NAALADL2: variants seen among roughly 807,000 people sequenced by gnomAD.
The protein encoded by NAALADL2 is inactive N-acetylated-alpha-linked acidic dipeptidase-like protein 2.
NAALADL2 carries 76 observed loss-of-function variants against 87.2 expected under a neutral mutation model. That is an observed-to-expected ratio of 0.87 (90% CI 0.72 to 1.05). The LOEUF (loss-of-function observed/expected upper bound fraction) is 1.05, where lower values mean the gene tolerates loss of function less well. Ranked by LOEUF, NAALADL2 falls within the 50% of genes least tolerant of loss-of-function variation. The pLI is 0.00. For synonymous variants in NAALADL2, 354 were observed against 331.0 expected, an observed-to-expected ratio of 1.07 and a Z score of -0.75; for missense variants, 1,089 against 945.8, an observed-to-expected ratio of 1.15 and a Z score of -1.99.
At chr3:175,108,570 G>C (rs1203857567) in intron 2 of NAALADL2, among the ~76,000 whole-genome samples, 1 of 151,842 alleles carries the variant, frequency 6.6e-6, no homozygotes, top group Non-Finnish European at 1.5e-5. Flanking sequence ...TCTTTGGTCG[G>C]TTTCATCATA....
intron 4 of NAALADL2, among the ~76,000 whole-genome samples, chr3:175,291,330 T>C (rs1755611351): frequency 6.6e-6 from 1 of 152,164 alleles, no homozygotes; most frequent in Non-Finnish European, 1.5e-5. Context: ...ATTAGACTTT[T>C]CCAATTTGCT....
At chr3:175,515,080 C>T (rs998882964) in intron 9 of NAALADL2, among the ~76,000 whole-genome samples, 12 of 152,164 alleles carry the variant, frequency 7.9e-5, no homozygotes, top group Non-Finnish European at 1.2e-4. Flanking sequence ...CTTTGCCTAC[C>T]TCTTGTAGAA....
chr3:175,714,658 A>G (rs1293586058), intron 11 of NAALADL2, among the ~76,000 whole-genome samples: 2 of 152,252 alleles, frequency 1.3e-5, no homozygotes, highest in East Asian at 3.9e-4. Flanking sequence ...GATTGCAAAA[A>G]CGTTCTCCAA....
intron 2 of NAALADL2, among the ~76,000 whole-genome samples, chr3:174,556,608 A>G (rs2108502490): frequency 6.6e-6 from 1 of 152,340 alleles, no homozygotes; most frequent in South Asian, 2.1e-4. Context: ...TACACAACTT[A>G]TAGAATTGTG....
intron 1 of NAALADL2, among the ~76,000 whole-genome samples, chr3:174,994,022 T>G (rs570178206): frequency 6.6e-6 from 1 of 152,304 alleles, no homozygotes; most frequent in East Asian, 1.9e-4. Context: ...GGGCCCACCC[T>G]ACTGCACTAT....
At chr3:174,993,206 G>A (rs983337696) in intron 1 of NAALADL2, among the ~76,000 whole-genome samples, 1 of 152,002 alleles carries the variant, frequency 6.6e-6, no homozygotes, top group Non-Finnish European at 1.5e-5. Flanking sequence ...AAGAGCCGTA[G>A]AAAAGAAACA....
At chr3:175,481,771 A>G (rs1726507088) in intron 9 of NAALADL2, among the ~76,000 whole-genome samples, 1 of 151,954 alleles carries the variant, frequency 6.6e-6, no homozygotes, top group South Asian at 2.1e-4. Flanking sequence ...AAAAAAGAAT[A>G]GTCTATTGGC....
intron 2 of NAALADL2, among the ~76,000 whole-genome samples, chr3:174,675,966 A>G (rs1202085719): frequency 2.0e-5 from 3 of 152,040 alleles, no homozygotes; most frequent in Admixed American, 6.6e-5. Flanking sequence ...AATTTCCTTT[A>G]TTTTTATTCA....
chr3:175,268,588 T>A (rs1253593069), intron 4 of NAALADL2, among the ~76,000 whole-genome samples: 2 of 152,156 alleles, frequency 1.3e-5, no homozygotes, highest in African/African-American at 4.8e-5. Context: ...TTTACTTTTT[T>A]AAACTGTTCA....
At chr3:175,429,061 G>T (rs1447884375) in intron 5 of NAALADL2, among the ~76,000 whole-genome samples, 1 of 151,728 alleles carries the variant, frequency 6.6e-6, no homozygotes, top group Non-Finnish European at 1.5e-5. Flanking sequence ...CAGTAGTTCT[G>T]CAGGGAGTAA....
chr3:174,738,185 T>A (rs935129083), intron 3 of NAALADL2, among the ~76,000 whole-genome samples: 2 of 152,238 alleles, frequency 1.3e-5, no homozygotes, highest in Non-Finnish European at 2.9e-5. Flanking sequence ...TCATACAGAT[T>A]TGTTGACCTT....
intron 4 of NAALADL2, among the ~76,000 whole-genome samples, chr3:175,289,869 A>G (rs1755436487): frequency 6.6e-6 from 1 of 152,174 alleles, no homozygotes; most frequent in Non-Finnish European, 1.5e-5. Context: ...TATAACTCTA[A>G]CAAAGGACTT....
chr3:175,718,296 C>T (rs900087398), intron 11 of NAALADL2: 68 of 1,586,024 alleles, frequency 4.3e-5, no homozygotes, highest in African/African-American at 3.4e-4. Flanking sequence ...CGTTAGGCGC[C>T]GAAGCTCTTG....
chr3:175,787,567 G>A (rs576508574), intron 13 of NAALADL2, among the ~76,000 whole-genome samples: 3 of 152,112 alleles, frequency 2.0e-5, no homozygotes, highest in Admixed American at 6.5e-5. Flanking sequence ...GCCCTGCTTC[G>A]GCTCGCGCAC....
intron 2 of NAALADL2, among the ~76,000 whole-genome samples, chr3:174,604,293 A>G (rs1394971678): frequency 2.0e-5 from 3 of 152,186 alleles, no homozygotes; most frequent in Non-Finnish European, 4.4e-5. Flanking sequence ...ATCTTGCTGA[A>G]TTGACCCCTT....
chr3:174,962,679 G>A (rs1742290270), intron 1 of NAALADL2, among the ~76,000 whole-genome samples: 1 of 151,866 alleles, frequency 6.6e-6, no homozygotes, highest in South Asian at 2.1e-4. Flanking sequence ...TAAACTGGGA[G>A]CTGAAACTTG....
At chr3:175,778,742 A>G (rs76406710) in intron 13 of NAALADL2, among the ~76,000 whole-genome samples, 2,893 of 152,250 alleles carry the variant, frequency 0.019, 88 homozygotes, top group African/African-American at 0.065. Flanking sequence ...AGAGTTTCAG[A>G]GTTAAATAAC....
chr3:174,841,498 C>A lies in NAALADL2; in HGVS notation c.-9+103752C>A, dbSNP rs138315464. Among the ~76,000 whole-genome samples, 261 of 152,140 alleles carry A rather than the reference C, an allele frequency of 1.7e-3. 1 individual carries two copies. Among genetic ancestry groups the A allele is most frequent in the Admixed American group, 6.7e-3 (102 of 15,282 alleles). On this transcript the variant is annotated intron_variant, in intron 3 of 3. Transcript: ENST00000434257. ...ACATCACAGTTGGCATTATTTTTTC[C>A]TTTTTCGAAGCTACCATGAAGAAGC...
rs569455404 is a variant in NAALADL2, at chr3:175,030,849, T to C, written c.44-65941T>C. ...TTCATAATTGTTTATGAACAGTTAA[T>C]GGATTTTGGATTGTATCTATTTATT... On this transcript the variant is annotated intron_variant, in intron 1 of 13. Transcript: ENST00000454872. Among the ~76,000 whole-genome samples, 21 of 152,102 alleles carry C rather than the reference T, an allele frequency of 1.4e-4. No homozygotes were observed. The East Asian group carries it at 3.9e-3, about 28-fold the overall frequency.
Sources: gnomAD v4.1 joint callset for allele counts (sites outside exome capture counted in the v4.1 genomes callset) on GRCh38, gnomAD v4.1.1 for gene constraint, MANE v1.5 for transcripts, NCBI Gene and HGNC (gene_info 2026-07-23, HGNC 2026-07-21) for gene names.